The following SLC4A10 variants were observed in gnomAD, a reference collection of about 807,000 sequenced individuals.
SLC4A10 encodes the protein solute carrier family 4 member 10.
SLC4A10 carries 42 observed loss-of-function variants against 137.7 expected under a neutral mutation model. That is an observed-to-expected ratio of 0.30 (90% CI 0.24 to 0.39). SLC4A10 has a LOEUF of 0.39. Among genes scored for constraint, SLC4A10 ranks in the 10% least tolerant of loss-of-function variants. The pLI is 1.00. For missense variants in SLC4A10, 925 were observed against 1,355.0 expected, an observed-to-expected ratio of 0.68 and a Z score of 4.98; for synonymous variants, 474 against 464.1, an observed-to-expected ratio of 1.02 and a Z score of -0.27.
At chr2:161,840,243 A>G (rs1437761049) in intron 4 of SLC4A10, among the ~76,000 whole-genome samples, 1 of 152,204 alleles carries the variant, frequency 6.6e-6, no homozygotes, top group Non-Finnish European at 1.5e-5. Context: ...GCTGGCTTGC[A>G]CCTAAATTTA....
chr2:161,696,449 T>TC (rs1278047840), intron 1 of SLC4A10, among the ~76,000 whole-genome samples: 43 of 55,574 alleles, frequency 7.7e-4, no homozygotes, highest in Non-Finnish European at 1.1e-3. Flanking sequence ...ATGCTATCCC[T>TC]CCCCCCTCCC....
At chr2:161,907,062 A>C (rs1684603703) in intron 15 of SLC4A10, among the ~76,000 whole-genome samples, 2 of 68,814 alleles carry the variant, frequency 2.9e-5, no homozygotes, top group South Asian at 1.0e-3. Flanking sequence ...TCTCAAAAAA[A>C]AAAAAAAAAA....
Position 161,684,334 on chromosome 2 carries a change from T to C in SLC4A10, c.48+59768T>C, listed in dbSNP as rs537463996. On this transcript the variant is annotated intron_variant, in intron 1 of 26. Coordinates refer to ENST00000446997, the MANE Select transcript of SLC4A10 (RefSeq NM_001178015.2). ...TTCTATCTTTTGATTATTATGACCATTTTTCTGCATTTTTTTCTCCTTGCA... is the reference window on the plus strand; with the variant it reads ...TTCTATCTTTTGATTATTATGACCACTTTTCTGCATTTTTTTCTCCTTGCA... 1.1e-4 allele frequency among the ~76,000 whole-genome samples: 16 copies of C among 152,306 alleles called. 1 individual carries two copies. Among genetic ancestry groups the C allele is most frequent in the African/African-American group, 3.8e-4 (16 of 41,570 alleles).
At chr2:161,847,622 T>TG (rs2059584413) in intron 4 of SLC4A10, among the ~76,000 whole-genome samples, 1 of 152,178 alleles carries the variant, frequency 6.6e-6, no homozygotes, top group Non-Finnish European at 1.5e-5. Context: ...TGTAAGAACT[T>TG]GCAGTATTTA....
intron 1 of SLC4A10, among the ~76,000 whole-genome samples, chr2:161,680,321 T>C (rs2040717676): frequency 6.6e-6 from 1 of 152,180 alleles, no homozygotes; most frequent in Non-Finnish European, 1.5e-5. Flanking sequence ...TGCCAGTATA[T>C]GTATAGGATT....
chr2:161,919,300 T>C (rs1030347024), intron 15 of SLC4A10, among the ~76,000 whole-genome samples: 6 of 152,108 alleles, frequency 3.9e-5, no homozygotes, highest in Non-Finnish European at 8.8e-5. Flanking sequence ...GACAGGCTCC[T>C]GGGCACAAAG....
intron 1 of SLC4A10, among the ~76,000 whole-genome samples, chr2:161,742,176 A>G (rs1390598750): frequency 6.6e-6 from 1 of 152,160 alleles, no homozygotes; most frequent in South Asian, 2.1e-4. Context: ...TTATGGCTGA[A>G]TAGTTCTCCA....
chr2:161,922,799 A>T (rs1688369071), intron 15 of SLC4A10, among the ~76,000 whole-genome samples: 1 of 152,194 alleles, frequency 6.6e-6, no homozygotes, highest in Admixed American at 6.5e-5. Flanking sequence ...AATCATAAAA[A>T]CACATTTGGC....
rs1330160057 is a variant in SLC4A10, at chr2:161,675,820, A to G, written c.48+51254A>G. Among the ~76,000 whole-genome samples the G allele has an allele frequency of 7.2e-5, 11 of 152,346 alleles. No individual in the cohort carries two copies. The East Asian group carries it at 1.9e-3, about 27-fold the overall frequency. ...AAAAATCATGAAAAACATGCACAGC[A>G]TATGCTGTTTATTTTTAAAAGTCAT... On this transcript the variant is annotated intron_variant, in intron 1 of 26. Coordinates refer to ENST00000446997, the MANE Select transcript of SLC4A10 (RefSeq NM_001178015.2).
intron 1 of SLC4A10, among the ~76,000 whole-genome samples, chr2:161,694,853 T>TGTTA: frequency 6.6e-6 from 1 of 152,172 alleles, no homozygotes; most frequent in Non-Finnish European, 1.5e-5. Flanking sequence ...TACTGCTAGA[T>TGTTA]GTTAATGATA....
chr2:161,682,735 G>C (rs2124835111), intron 1 of SLC4A10, among the ~76,000 whole-genome samples: 1 of 152,138 alleles, frequency 6.6e-6, no homozygotes, highest in East Asian at 1.9e-4. Flanking sequence ...TGAACGGCTA[G>C]GTATTCTTTC....
In SLC4A10 at chr2:161,810,365, C is replaced by G. The variant is rs139047493; in HGVS notation, c.277+5770C>G. The stretch of plus-strand genomic sequence containing the variant: ...ATTTGAATGCCTTTTATTTCTTTCT[C>G]TTGCCTGATTGCTCTGGCTAGGTCT... On this transcript the variant is annotated intron_variant, in intron 3 of 26. Transcript: ENST00000446997. Among the ~76,000 whole-genome samples the G allele has an allele frequency of 1.6e-3, 246 of 152,132 alleles. 1 individual carries two copies. The highest frequency in any genetic ancestry group is 0.014 in the East Asian group (73 of 5,178).
chr2:161,681,089 T>A (rs1024964752), intron 1 of SLC4A10, among the ~76,000 whole-genome samples: 2 of 152,168 alleles, frequency 1.3e-5, no homozygotes, highest in African/African-American at 4.8e-5. Flanking sequence ...ACCTTCTCTC[T>A]TTTTCACTTT....
chr2:161,699,645 G>A (rs1004889447), intron 1 of SLC4A10, among the ~76,000 whole-genome samples: 12 of 152,160 alleles, frequency 7.9e-5, no homozygotes, highest in Middle Eastern at 3.2e-3. Flanking sequence ...CTAAAAGAAA[G>A]TGAAAATGTT....
chr2:161,799,040 T>C (rs1167890019), intron 2 of SLC4A10, among the ~76,000 whole-genome samples: 1 of 151,474 alleles, frequency 6.6e-6, no homozygotes, highest in Non-Finnish European at 1.5e-5. Context: ...AAAAATCTTT[T>C]CTTTTAATGA....
At chr2:161,832,105 A>G (rs1475143302) in intron 3 of SLC4A10, among the ~76,000 whole-genome samples, 1 of 152,218 alleles carries the variant, frequency 6.6e-6, no homozygotes, top group African/African-American at 2.4e-5. Context: ...ATTATTGTCC[A>G]TTATGAAAGA....
intron 1 of SLC4A10, among the ~76,000 whole-genome samples, chr2:161,709,028 G>T (rs1362239005): frequency 1.3e-5 from 2 of 151,506 alleles, no homozygotes; most frequent in African/African-American, 2.4e-5. Flanking sequence ...CTGTGTGTGT[G>T]TATGTGTTTA....
chr2:161,839,830 G>C lies in SLC4A10; in HGVS notation c.319G>C (p.Asp107His). ...GGTACAGTTTATTCTTGGAACCGAG[G>C]ATGATGACGAGGAACACATTCCTCA... ...QRVQFILGTE[D>H]DDEEHIPHDL... The change falls in exon 4 of 27, where the codon GAT becomes CAT. Residue 107 changes from aspartate to histidine, a missense_variant. Transcript: ENST00000446997. 6.2e-7 allele frequency: 1 copy of C among 1,613,898 alleles called. No individual in the cohort carries two copies. The highest frequency in any genetic ancestry group is 8.5e-7 in the Non-Finnish European group (1 of 1,179,860).
intron 3 of SLC4A10, among the ~76,000 whole-genome samples, chr2:161,829,170 C>G (rs1194279324): frequency 1.3e-5 from 2 of 152,048 alleles, no homozygotes; most frequent in African/African-American, 4.8e-5. Context: ...CCTTATAGCA[C>G]TAAGCACCAG....
Sources: allele counts gnomAD v4.1 joint callset (sites outside exome capture counted in the v4.1 genomes callset), GRCh38; gene constraint gnomAD v4.1.1; transcripts MANE v1.5; gene names NCBI Gene and HGNC (gene_info 2026-07-23, HGNC 2026-07-21).